The following LARP4B variants were observed in gnomAD, a reference collection of about 807,000 sequenced individuals.
LARP4B encodes the protein la-related protein 4B.
Under a neutral mutation model 89.8 loss-of-function variants are expected in LARP4B, and 12 were observed. That is an observed-to-expected ratio of 0.13 (90% confidence interval 0.09 to 0.22). LARP4B has a LOEUF of 0.22. Ranked by LOEUF, LARP4B falls within the 10% of genes least tolerant of loss-of-function variation. The pLI, the probability that LARP4B is intolerant of heterozygous loss-of-function variation, is 1.00. For missense variants in LARP4B, 757 were observed against 947.7 expected (o/e 0.80, Z 2.64); for synonymous variants, 367 against 363.3 (o/e 1.01, Z -0.12).
intron 1 of LARP4B, among the ~76,000 whole-genome samples, chr10:893,696 G>C (rs540328290): frequency 6.6e-6 from 1 of 152,262 alleles, no homozygotes; most frequent in East Asian, 1.9e-4. Flanking sequence ...AGATGAGCCT[G>C]GGACATCTTA....
chr10:957,464 C>G, the LARP4B span, among the ~76,000 whole-genome samples: 1 of 152,110 alleles, frequency 6.6e-6, no homozygotes, highest in Non-Finnish European at 1.5e-5. Context: ...CCATATCCAG[C>G]CTGTAGTTCA....
rs543582456 is a variant in LARP4B at position 863,605 on chromosome 10, C to T, written c.430+138G>A. 54 of 949,116 alleles carry T rather than the reference C, an allele frequency of 5.7e-5. No homozygotes were observed. The South Asian group carries it at 9.3e-4, about 16-fold the overall frequency. The allele number at this position is 949,116 out of a possible 1,614,324, so 58.8% of individuals were successfully genotyped here. A position where few individuals can be genotyped will look rare whatever the true frequency, so the allele number is the denominator to read the frequency against. On this transcript the variant is annotated intron_variant, in intron 5 of 17. Transcript: ENST00000316157. ...GGGCCTCTCATCTTCTCTGCATCCA[C>T]ATAAGGGTGAGTTTAAAGTAGAATT...
At chr10:961,116 C>G in the LARP4B span, among the ~76,000 whole-genome samples, 1 of 152,204 alleles carries the variant, frequency 6.6e-6, no homozygotes, top group Non-Finnish European at 1.5e-5. Context: ...GTGAAATTAC[C>G]TGAGGGGATT....
chr10:859,563 A>C (rs1834485681), intron 5 of LARP4B, among the ~76,000 whole-genome samples: 1 of 152,352 alleles, frequency 6.6e-6, no homozygotes. Flanking sequence ...CCTTCCGTAC[A>C]AAAACCTGCA....
Position 827,017 on chromosome 10 carries a change from A to G in LARP4B, c.1126-1147T>C, listed in dbSNP as rs140932595. On this transcript the variant is annotated intron_variant, in intron 11 of 17. Coordinates refer to ENST00000316157, the MANE Select transcript of LARP4B (RefSeq NM_015155.3). ...TGGCCGGGCGCAGTGGCTCATGCCT[A>G]TAACCCCAGCACTTTGGGAGGCCAA... Among the ~76,000 whole-genome samples, 90 of 152,278 alleles carry G rather than the reference A, an allele frequency of 5.9e-4. 1 individual carries two copies. The East Asian group carries it at 6.2e-3, about 10-fold the overall frequency.
At chr10:869,528 C>T (rs1458366157) in intron 3 of LARP4B, among the ~76,000 whole-genome samples, 1 of 152,138 alleles carries the variant, frequency 6.6e-6, no homozygotes, top group Non-Finnish European at 1.5e-5. Flanking sequence ...TAATTCACAG[C>T]CATATATAAG....
chr10:878,193 GA>G (rs2131905014), intron 3 of LARP4B, among the ~76,000 whole-genome samples: 2 of 152,310 alleles, frequency 1.3e-5, no homozygotes, highest in African/African-American at 4.8e-5. Context: ...GCCAGACTAC[GA>G]AGGCTAGGGA....
intron 1 of LARP4B, among the ~76,000 whole-genome samples, chr10:928,930 C>G (rs1539174): frequency 0.18 from 27,903 of 152,074 alleles, 2,809 homozygotes; most frequent in Non-Finnish European, 0.23. Context: ...CATAAAAACA[C>G]CTTAAATATA....
the LARP4B span, among the ~76,000 whole-genome samples, chr10:940,039 C>T: frequency 1.7e-4 from 18 of 105,748 alleles, no homozygotes; most frequent in Admixed American, 5.1e-4. Flanking sequence ...TTTTTTGAGA[C>T]GGAGTTTCAC....
At chr10:923,213 CAA>C (rs1837035577) in intron 1 of LARP4B, among the ~76,000 whole-genome samples, 1 of 152,166 alleles carries the variant, frequency 6.6e-6, no homozygotes, top group Admixed American at 6.5e-5. Context: ...CCTAAAAGCA[CAA>C]GAGACAATGC....
chr10:984,150 C>A, the LARP4B span, among the ~76,000 whole-genome samples: 1 of 152,176 alleles, frequency 6.6e-6, no homozygotes, highest in Non-Finnish European at 1.5e-5. Flanking sequence ...ACCTGAGGGT[C>A]AGACATCACA....
intron 5 of LARP4B, among the ~76,000 whole-genome samples, chr10:849,587 G>A (rs987311291): frequency 3.9e-5 from 6 of 152,150 alleles, no homozygotes; most frequent in African/African-American, 1.4e-4. Context: ...TCCTCATGGA[G>A]GGGGACCATA....
At chr10:942,881 C>T in the LARP4B span, 1 of 152,174 alleles carries the variant, frequency 6.6e-6, no homozygotes, top group Non-Finnish European at 1.5e-5. Flanking sequence ...GCCAAGGAGG[C>T]CTTTTGGAAC....
At chr10:927,109 T>C (rs1424077253) in intron 1 of LARP4B, among the ~76,000 whole-genome samples, 1 of 151,694 alleles carries the variant, frequency 6.6e-6, no homozygotes, top group East Asian at 1.9e-4. Context: ...ATGGTCTAGG[T>C]CTCCTAACCA....
chr10:849,023 C>T (rs569791368), intron 5 of LARP4B, among the ~76,000 whole-genome samples: 11 of 152,280 alleles, frequency 7.2e-5, no homozygotes, highest in East Asian at 1.9e-4. Context: ...AGAGAAACGG[C>T]GGCAGACTGC....
rs1340721531 is a variant in LARP4B, at chr10:825,888, C to T, written c.1126-18G>A. ...GGAGTTACCTAGATTCATTTGAAAA[C>T]AGACAAGTAAATAAACCATAAAACA... On this transcript the variant is annotated intron_variant, in intron 11 of 17. Coordinates refer to ENST00000316157, the MANE Select transcript of LARP4B (RefSeq NM_015155.3). 3 of 1,505,622 alleles carry T rather than the reference C, an allele frequency of 2.0e-6. No homozygotes were observed. Among genetic ancestry groups the T allele is most frequent in the Non-Finnish European group, 2.8e-6 (3 of 1,087,746 alleles). The allele number at this position is 1,505,622 out of a possible 1,614,324, so 93.3% of individuals were successfully genotyped here.
the LARP4B span, among the ~76,000 whole-genome samples, chr10:951,095 A>G: frequency 1.3e-5 from 2 of 151,838 alleles, no homozygotes; most frequent in African/African-American, 4.8e-5. Context: ...TAGGACTGCT[A>G]GCACCATGTT....
chr10:884,599 C>A (rs1441641447), intron 2 of LARP4B, 93 bp from the exon 3 acceptor site: 1 of 739,502 alleles, frequency 1.4e-6, no homozygotes, highest in East Asian at 2.7e-5. Flanking sequence ...ACTAAACCCA[C>A]CAAGAAATGC....
At chr10:963,701 A>G in the LARP4B span, among the ~76,000 whole-genome samples, 2 of 152,236 alleles carry the variant, frequency 1.3e-5, no homozygotes, top group African/African-American at 4.8e-5. Flanking sequence ...TGGGTAATTA[A>G]GAAATAGTCA....
Sources: allele counts gnomAD v4.1 joint callset (sites outside exome capture counted in the v4.1 genomes callset), GRCh38; gene constraint gnomAD v4.1.1; transcripts MANE v1.5; gene names NCBI Gene and HGNC (gene_info 2026-07-23, HGNC 2026-07-21).